LRRTM4: variants seen among roughly 807,000 people sequenced by gnomAD.
LRRTM4 encodes the protein leucine rich repeat transmembrane neuronal 4.
A neutral mutation model predicts 47.6 loss-of-function variants in LRRTM4; 25 were observed. The observed-to-expected ratio is 0.53, with a 90% CI of 0.38 to 0.73. The LOEUF (loss-of-function observed/expected upper bound fraction) is 0.73. Among genes scored for constraint, LRRTM4 ranks in the 30% least tolerant of loss-of-function variants. LRRTM4 has a pLI of 0.00. For synonymous variants in LRRTM4, 311 were observed against 269.5 expected (o/e 1.15, Z -1.51); for missense variants, 638 against 713.4 (o/e 0.89, Z 1.20).
At chr2:76,945,070 G>C (rs906936112) in intron 3 of LRRTM4, among the ~76,000 whole-genome samples, 2 of 152,008 alleles carry the variant, frequency 1.3e-5, no homozygotes, top group East Asian at 1.9e-4. Context: ...CTTTAGGACA[G>C]GTATGTGTTT....
At chr2:77,299,247 CTA>C (rs767526900) in intron 3 of LRRTM4, among the ~76,000 whole-genome samples, 11 of 100,614 alleles carry the variant, frequency 1.1e-4, no homozygotes, top group East Asian at 2.5e-4. Flanking sequence ...CTCTCTTTAT[CTA>C]TATATATATA....
chr2:77,337,152 A>G (rs1449721820), intron 3 of LRRTM4, among the ~76,000 whole-genome samples: 1 of 152,148 alleles, frequency 6.6e-6, no homozygotes, highest in Non-Finnish European at 1.5e-5. Context: ...ACCTAAAAGT[A>G]CATCTAACCA....
chr2:77,210,810 TC>T (rs1327196564), intron 3 of LRRTM4, among the ~76,000 whole-genome samples: 1 of 151,938 alleles, frequency 6.6e-6, no homozygotes, highest in Non-Finnish European at 1.5e-5. Flanking sequence ...AAAATCTTCT[TC>T]TATCAGGCAA....
At chr2:77,038,327 T>C (rs909081031) in intron 3 of LRRTM4, among the ~76,000 whole-genome samples, 8 of 151,602 alleles carry the variant, frequency 5.3e-5, no homozygotes, top group Admixed American at 4.6e-4. Context: ...AGGCACAGCT[T>C]TGCTATTAGA....
At chr2:77,408,818 G>T (rs1025204946) in intron 3 of LRRTM4, among the ~76,000 whole-genome samples, 28 of 152,088 alleles carry the variant, frequency 1.8e-4, no homozygotes, top group Non-Finnish European at 4.1e-4. Context: ...GTCTAATACA[G>T]GTATTATAAT....
At chr2:77,095,877 G>GGATTGATGGAGAAAGA (rs1173163595) in intron 3 of LRRTM4, among the ~76,000 whole-genome samples, 1 of 152,038 alleles carries the variant, frequency 6.6e-6, no homozygotes, top group Non-Finnish European at 1.5e-5. Context: ...TGTGAGAAAG[G>GGATTGATGGAGAAAGA]GATTGATGGA....
chr2:76,772,366 G>T (rs1223162645), intron 3 of LRRTM4, among the ~76,000 whole-genome samples: 1 of 152,068 alleles, frequency 6.6e-6, no homozygotes, highest in African/African-American at 2.4e-5. Context: ...TGTTATAGCA[G>T]CCTGAACAGA....
At position 76,947,522 on chromosome 2, in the gene LRRTM4, G is replaced by A. The variant is rs1181652337; in HGVS notation, c.1552-198606C>T. Among the ~76,000 whole-genome samples the A allele has an allele frequency of 2.6e-5, 4 of 151,858 alleles. No homozygotes were observed. In the East Asian group the frequency reaches 7.8e-4, roughly 29 times the overall value. On this transcript the variant is annotated intron_variant, in intron 3 of 3. Coordinates refer to ENST00000409884, the MANE Select transcript of LRRTM4 (RefSeq NM_001134745.3). Reference sequence around the variant, plus strand: ...TAAAATAAAATATTTGTGTTATTTAGTGTTCACTCATAATGTATGTTAAAC... The same window carrying A: ...TAAAATAAAATATTTGTGTTATTTAATGTTCACTCATAATGTATGTTAAAC...
intron 3 of LRRTM4, among the ~76,000 whole-genome samples, chr2:77,214,699 C>CTT (rs200502274): frequency 1.4e-5 from 2 of 145,616 alleles, no homozygotes; most frequent in African/African-American, 5.0e-5. Context: ...TTATATAAAT[C>CTT]TTTTTTTTTT....
At chr2:77,150,823 A>G (rs560786439) in intron 3 of LRRTM4, among the ~76,000 whole-genome samples, 2 of 152,218 alleles carry the variant, frequency 1.3e-5, no homozygotes, top group Non-Finnish European at 2.9e-5. Flanking sequence ...CTGTCATACT[A>G]TCCCTACCAT....
At chr2:77,473,909 CG>C (rs1480042702) in intron 3 of LRRTM4, among the ~76,000 whole-genome samples, 1 of 152,108 alleles carries the variant, frequency 6.6e-6, no homozygotes, top group African/African-American at 2.4e-5. Flanking sequence ...ATCATTCTTA[CG>C]AATAACCATT....
intron 3 of LRRTM4, among the ~76,000 whole-genome samples, chr2:77,400,780 T>C (rs1673920041): frequency 6.6e-6 from 1 of 151,832 alleles, no homozygotes; most frequent in Non-Finnish European, 1.5e-5. Flanking sequence ...AATAAAATCC[T>C]GCCTCTGGGA....
At chr2:76,770,431 G>A (rs753424503) in intron 3 of LRRTM4, among the ~76,000 whole-genome samples, 11 of 152,158 alleles carry the variant, frequency 7.2e-5, no homozygotes, top group Admixed American at 2.6e-4. Flanking sequence ...ACTGCTTTCT[G>A]GAGTAGTGTA....
chr2:76,999,366 G>A (rs1041003414), intron 3 of LRRTM4, among the ~76,000 whole-genome samples: 1 of 151,692 alleles, frequency 6.6e-6, no homozygotes, highest in African/African-American at 2.4e-5. Context: ...AATGATGGCT[G>A]TGACTTAAGA....
At chr2:76,789,526 G>C (rs959137953) in intron 3 of LRRTM4, among the ~76,000 whole-genome samples, 2 of 152,078 alleles carry the variant, frequency 1.3e-5, no homozygotes, top group African/African-American at 4.8e-5. Flanking sequence ...CATAATGAGG[G>C]TTTGTTTCTG....
chr2:77,431,836 G>A (rs573377070), intron 3 of LRRTM4, among the ~76,000 whole-genome samples: 1 of 148,926 alleles, frequency 6.7e-6, no homozygotes, highest in Admixed American at 6.6e-5. Flanking sequence ...AGCACTTTGC[G>A]AGGCTGAGGA....
chr2:76,885,954 G>A (rs1156794202), intron 3 of LRRTM4, among the ~76,000 whole-genome samples: 2 of 151,940 alleles, frequency 1.3e-5, no homozygotes, highest in African/African-American at 2.4e-5. Flanking sequence ...GAATAAATCT[G>A]ACAAAAATAG....
rs1215978605 is a variant in LRRTM4 at position 77,407,843 on chromosome 2, A to C, written c.1551+110475T>G. ...TCAATGTCTCCAACTGTCTGTTAACAGTCTTGCTCAGGTCATGTTTGAACT... is the reference window on the plus strand; with the variant it reads ...TCAATGTCTCCAACTGTCTGTTAACCGTCTTGCTCAGGTCATGTTTGAACT... On this transcript the variant is annotated intron_variant, in intron 3 of 3. Transcript: ENST00000409884. Among the ~76,000 whole-genome samples, 15 of 150,692 alleles carry C rather than the reference A, an allele frequency of 1.0e-4. No homozygotes were observed. In the East Asian group the frequency reaches 2.9e-3, roughly 29 times the overall value.
intron 3 of LRRTM4, among the ~76,000 whole-genome samples, chr2:77,391,710 C>T (rs1033169211): frequency 6.6e-6 from 1 of 151,952 alleles, no homozygotes; most frequent in African/African-American, 2.4e-5. Flanking sequence ...TGGACCACCC[C>T]TCTCAGCCAA....
Sources: gnomAD v4.1 joint callset for allele counts (sites outside exome capture counted in the v4.1 genomes callset) on GRCh38, gnomAD v4.1.1 for gene constraint, MANE v1.5 for transcripts, NCBI Gene and HGNC (gene_info 2026-07-23, HGNC 2026-07-21) for gene names.